TACR1: variants seen among roughly 807,000 people sequenced by gnomAD.
TACR1 encodes the protein substance-P receptor.
Under a neutral mutation model 35.8 loss-of-function variants are expected in TACR1, and 25 were observed. The ratio of observed to expected loss-of-function variants is 0.70; its 90% CI spans 0.51 to 0.98. TACR1 has a LOEUF of 0.98. Ranked by LOEUF, TACR1 falls within the 50% of genes least tolerant of loss-of-function variation. TACR1 has a pLI of 0.00. For missense variants in TACR1, 478 were observed against 522.9 expected, an observed-to-expected ratio of 0.91 and a Z score of 0.84; for synonymous variants, 195 against 206.7, an observed-to-expected ratio of 0.94 and a Z score of 0.48.
chr2:75,084,658 G>C (rs1486358184), intron 2 of TACR1, among the ~76,000 whole-genome samples: 1 of 152,144 alleles, frequency 6.6e-6, no homozygotes, highest in Non-Finnish European at 1.5e-5. Context: ...AGTCTTGGGA[G>C]GGTGTATGTG....
chr2:75,093,599 C>T (rs1673352362), intron 2 of TACR1, among the ~76,000 whole-genome samples: 1 of 152,168 alleles, frequency 6.6e-6, no homozygotes, highest in Admixed American at 6.5e-5. Context: ...GCGTAGACTG[C>T]AGGAGCTCCC....
chr2:75,073,298 T>C (rs1672917509), intron 2 of TACR1, among the ~76,000 whole-genome samples: 1 of 152,220 alleles, frequency 6.6e-6, no homozygotes, highest in Non-Finnish European at 1.5e-5. Flanking sequence ...ATCTTTTGTG[T>C]GTGGACACTC....
In TACR1 at chr2:75,069,226, C is replaced by A. The variant is rs566381919; in HGVS notation, c.585-15471G>T. 2.6e-5 allele frequency among the ~76,000 whole-genome samples: 4 copies of A among 152,244 alleles called. 1 individual carries two copies. The highest frequency in any genetic ancestry group is 9.6e-5 in the African/African-American group (4 of 41,556). On this transcript the variant is annotated intron_variant, in intron 2 of 4. Transcript: ENST00000305249. Reference sequence around the variant, plus strand: ...GTGGAACTGTAAGTCCATTAAACATCTTTCATCTATAAATTACGCAGTCTT... The same window carrying A: ...GTGGAACTGTAAGTCCATTAAACATATTTCATCTATAAATTACGCAGTCTT...
intron 1 of TACR1, among the ~76,000 whole-genome samples, chr2:75,166,890 T>A (rs1014562416): frequency 6.6e-6 from 1 of 152,212 alleles, no homozygotes; most frequent in African/African-American, 2.4e-5. Context: ...GCATTTGGGT[T>A]ATAGATGCCT....
chr2:75,149,315 TATAA>T (rs1458886003), intron 1 of TACR1, among the ~76,000 whole-genome samples: 5 of 152,244 alleles, frequency 3.3e-5, no homozygotes, highest in African/African-American at 1.2e-4. Flanking sequence ...GAAACGAATC[TATAA>T]ATTACTTTGG....
At chr2:75,167,752 A>C (rs1252459172) in intron 1 of TACR1, among the ~76,000 whole-genome samples, 1 of 152,232 alleles carries the variant, frequency 6.6e-6, no homozygotes, top group African/African-American at 2.4e-5. Context: ...AAAAGATCTC[A>C]GAAAAATTAA....
At chr2:75,094,857 ATAT>A (rs1212191523) in intron 2 of TACR1, among the ~76,000 whole-genome samples, 952 of 91,134 alleles carry the variant, frequency 0.01, 31 homozygotes, top group African/African-American at 0.043. Flanking sequence ...ATATATATAT[ATAT>A]TTTTTTTTTT....
At chr2:75,069,867 A>G (rs1478173722) in intron 2 of TACR1, among the ~76,000 whole-genome samples, 1 of 152,126 alleles carries the variant, frequency 6.6e-6, no homozygotes, top group African/African-American at 2.4e-5. Flanking sequence ...CCAGGCTGAG[A>G]CAGCATTGTC....
At chr2:75,100,705 G>A (rs563195257) in intron 2 of TACR1, among the ~76,000 whole-genome samples, 1 of 152,332 alleles carries the variant, frequency 6.6e-6, no homozygotes, top group Non-Finnish European at 1.5e-5. Context: ...GTACTATAAA[G>A]TAAGGGTTCA....
chr2:75,113,782 A>C (rs1673800725), intron 2 of TACR1, among the ~76,000 whole-genome samples: 1 of 152,010 alleles, frequency 6.6e-6, no homozygotes, highest in Non-Finnish European at 1.5e-5. Flanking sequence ...TGGAAACACA[A>C]ATATGTTGAC....
chr2:75,087,669 C>T (rs1233354296), intron 2 of TACR1, among the ~76,000 whole-genome samples: 1 of 152,226 alleles, frequency 6.6e-6, no homozygotes, highest in Non-Finnish European at 1.5e-5. Context: ...TGACTCCCCT[C>T]ACCTCTTGCC....
intron 2 of TACR1, among the ~76,000 whole-genome samples, chr2:75,100,396 G>A (rs183490634): frequency 1.2e-3 from 185 of 152,150 alleles, no homozygotes; most frequent in Non-Finnish European, 2.2e-3. Context: ...TCAAATCTTT[G>A]TGCATGTGGT....
intron 2 of TACR1, among the ~76,000 whole-genome samples, chr2:75,104,984 T>TA (rs1356992951): frequency 6.6e-6 from 1 of 152,022 alleles, no homozygotes; most frequent in Admixed American, 6.6e-5. Flanking sequence ...CGGAAGTTCC[T>TA]AAAAAAATTA....
intron 1 of TACR1, among the ~76,000 whole-genome samples, chr2:75,192,799 G>T (rs909442847): frequency 6.6e-6 from 1 of 152,160 alleles, no homozygotes; most frequent in Admixed American, 6.5e-5. Flanking sequence ...TCATTGGCAT[G>T]ATGAAGATTA....
intron 1 of TACR1, among the ~76,000 whole-genome samples, chr2:75,137,049 C>T (rs1011156723): frequency 6.6e-6 from 1 of 152,160 alleles, no homozygotes; most frequent in Non-Finnish European, 1.5e-5. Context: ...AATGGTATCT[C>T]ACCAGGCTAG....
rs1208142304 is a variant in TACR1, at chr2:75,051,254, T to C, written c.929A>G (p.Asp310Gly). Reference protein sequence around the residue: ...YNPIIYCCLNDRFRLGFKHAF... With the variant: ...YNPIIYCCLNGRFRLGFKHAF... The stretch of plus-strand genomic sequence containing the variant: ...CTCATGGGGTTGGGATCCTCACCTG[T>C]CATTGAGGCAGCAGTAGATGATGGG... Residue 310 changes from aspartate (D) to glycine (G), a missense_variant, in exon 4 of 5, where the codon GAC becomes GGC. Asp to Gly is a moderately conservative substitution (Grantham distance 94). Coordinates refer to ENST00000305249, the MANE Select transcript of TACR1 (RefSeq NM_001058.4). 1.9e-6 allele frequency: 3 copies of C among 1,614,034 alleles called. No individual in the cohort carries two copies. Among genetic ancestry groups the C allele is most frequent in the African/African-American group, 2.7e-5 (2 of 74,926 alleles).
chr2:75,100,397 T>G (rs538256411), intron 2 of TACR1, among the ~76,000 whole-genome samples: 6 of 152,236 alleles, frequency 3.9e-5, no homozygotes, highest in Non-Finnish European at 8.8e-5. Context: ...CAAATCTTTG[T>G]GCATGTGGTT....
At chr2:75,117,252 C>T (rs1234887954) in intron 2 of TACR1, among the ~76,000 whole-genome samples, 1 of 151,834 alleles carries the variant, frequency 6.6e-6, no homozygotes, top group African/African-American at 2.4e-5. Flanking sequence ...TTTTAGTAAA[C>T]GTTAGTTTAA....
At chr2:75,054,389 G>A (rs1338264220) in intron 2 of TACR1, among the ~76,000 whole-genome samples, 1 of 152,238 alleles carries the variant, frequency 6.6e-6, no homozygotes, top group Non-Finnish European at 1.5e-5. Flanking sequence ...GTGGGTGGGT[G>A]AAAGCCACAT....
Sources: gnomAD v4.1 joint callset for allele counts (sites outside exome capture counted in the v4.1 genomes callset) on GRCh38, gnomAD v4.1.1 for gene constraint, MANE v1.5 for transcripts, NCBI Gene and HGNC (gene_info 2026-07-23, HGNC 2026-07-21) for gene names.